PHF14: variants seen among roughly 807,000 people sequenced by gnomAD.
PHF14 encodes PHD finger protein 14.
In PHF14, 55 loss-of-function variants were observed where a neutral mutation model predicts 117.9. That is an observed-to-expected ratio of 0.47 (90% CI 0.38 to 0.58). PHF14 has a LOEUF of 0.58. PHF14 is among the 20% of genes least tolerant of loss of function. The pLI, the probability that PHF14 is intolerant of heterozygous loss-of-function variation, is 0.00. For synonymous variants in PHF14, 409 were observed against 368.6 expected (o/e 1.11, Z -1.26); for missense variants, 978 against 1,122.2 (o/e 0.87, Z 1.84).
chr7:11,104,768 C>A lies in PHF14; in HGVS notation c.2655-6582C>A, dbSNP rs918360896. On this transcript the variant is annotated intron_variant, in intron 16 of 17. Transcript: ENST00000634607. ...GCCCACTTTACTCCCTCCCCCTTCA[C>A]CCTGGAGTTTCTGATTTAGTAGAAA... 22 of 614,184 alleles carry A rather than the reference C, an allele frequency of 3.6e-5. No homozygotes were observed. In the African/African-American group the frequency reaches 4.2e-4, roughly 12 times the overall value. 38.0% of individuals were successfully genotyped at this position (614,184 alleles called of 1,614,324 possible).
intron 5 of PHF14, among the ~76,000 whole-genome samples, chr7:11,014,343 G>C (rs1025719207): frequency 1.3e-5 from 2 of 152,122 alleles, no homozygotes; most frequent in Non-Finnish European, 2.9e-5. Flanking sequence ...TTTTTAAGCT[G>C]TGATAAAAGA....
intron 6 of PHF14, among the ~76,000 whole-genome samples, 175 bp from the exon 7 acceptor site, chr7:11,028,506 T>TA (rs1226124853): frequency 2.0e-5 from 3 of 152,212 alleles, no homozygotes; most frequent in African/African-American, 7.2e-5. Context: ...TATAGGTAAT[T>TA]ACGTTTTTTC....
chr7:11,063,449 A>T, intron 16 of PHF14: 2 of 977,518 alleles, frequency 2.0e-6, no homozygotes, highest in Non-Finnish European at 2.4e-6. Flanking sequence ...TTATATAATG[A>T]ACAAAAATTT....
chr7:11,012,140 T>C (rs1783377854), intron 4 of PHF14, among the ~76,000 whole-genome samples: 1 of 152,174 alleles, frequency 6.6e-6, no homozygotes, highest in African/African-American at 2.4e-5. Context: ...ATTTTAATGA[T>C]CAAAACCTGA....
intron 17 of PHF14, among the ~76,000 whole-genome samples, chr7:11,162,201 G>T (rs1376747463): frequency 2.9e-5 from 4 of 139,014 alleles, no homozygotes; most frequent in Non-Finnish European, 4.6e-5. Context: ...CGATTCTTGT[G>T]CCTCAGCCTC....
At chr7:11,092,952 G>A (rs1185191700) in intron 16 of PHF14, among the ~76,000 whole-genome samples, 3 of 152,118 alleles carry the variant, frequency 2.0e-5, no homozygotes, top group African/African-American at 2.4e-5. Context: ...GCATGGCAAC[G>A]TTCTAGATTG....
intron 14 of PHF14, 81 bp downstream of exon 14, chr7:11,051,861 C>T (rs1562441322): frequency 8.7e-7 from 1 of 1,155,476 alleles, no homozygotes; most frequent in African/African-American, 1.5e-5. Context: ...ACAGGGCAAA[C>T]ATATACTCAG....
At chr7:11,020,865 G>A (rs955718287) in intron 5 of PHF14, among the ~76,000 whole-genome samples, 1 of 152,082 alleles carries the variant, frequency 6.6e-6, no homozygotes, top group Non-Finnish European at 1.5e-5. Flanking sequence ...TTTCTTGAGT[G>A]AAGACAGTGA....
rs113960309 is a variant in PHF14 at position 11,165,248 on chromosome 7, TTTAA to T, written c.2773-4164_2773-4161del. On this transcript the variant is annotated intron_variant, in intron 17 of 17. Coordinates refer to ENST00000634607, the MANE Select transcript of PHF14 (RefSeq NM_001007157.2). The stretch of plus-strand genomic sequence containing the variant: ...GACCTTGACATTTTGAAGACTACTG[TTTAA>T]TTATATTGTAGAGGGTTTATCTGAT... Among the ~76,000 whole-genome samples, 151 of 152,278 alleles carry T rather than the reference TTTAA, an allele frequency of 9.9e-4. 4 individuals carry two copies. The highest frequency in any genetic ancestry group is 3.4e-3 in the African/African-American group (141 of 41,550).
chr7:10,993,781 A>G (rs936732469), intron 4 of PHF14, among the ~76,000 whole-genome samples: 28 of 150,216 alleles, frequency 1.9e-4, no homozygotes, highest in African/African-American at 6.6e-4. Context: ...GGCCAAGGCA[A>G]GCGGATCACC....
chr7:11,109,960 A>G (rs1787388525), intron 16 of PHF14: 1 of 151,920 alleles, frequency 6.6e-6, no homozygotes, highest in Admixed American at 6.6e-5. Flanking sequence ...GCATAAACTT[A>G]GGACATTCAT....
chr7:10,975,699 A>G (rs1301788720), intron 2 of PHF14, among the ~76,000 whole-genome samples: 1 of 152,204 alleles, frequency 6.6e-6, no homozygotes, highest in Non-Finnish European at 1.5e-5. Context: ...AACATGAACA[A>G]TGAAAATTAT....
At chr7:11,019,645 G>A (rs569521015) in intron 5 of PHF14, among the ~76,000 whole-genome samples, 1 of 151,936 alleles carries the variant, frequency 6.6e-6, no homozygotes, top group East Asian at 1.9e-4. Context: ...TCCTCAGCCT[G>A]GCTAAAGGTT....
At position 11,013,802 on chromosome 7, in the gene PHF14, C is replaced by A; in HGVS notation, c.1101C>A (p.Asn367Lys). 1 of 1,606,304 alleles carries A rather than the reference C, an allele frequency of 6.2e-7. No homozygotes were observed. Among genetic ancestry groups the A allele is most frequent in the Non-Finnish European group, 8.5e-7 (1 of 1,174,060 alleles). ...SDSIMSSASE[N>K]STEPWFCDAC... ...CTATTATGAGTTCAGCTTCTGAAAA[C>A]TCCACTGAACCTTGGTTTTGTGATG... The change falls in exon 5 of 18, where the codon AAC becomes AAA. Residue 367 changes from asparagine to lysine, a missense_variant. Coordinates refer to ENST00000634607, the MANE Select transcript of PHF14 (RefSeq NM_001007157.2).
intron 4 of PHF14, among the ~76,000 whole-genome samples, chr7:10,992,174 C>G (rs906751747): frequency 1.3e-5 from 2 of 151,620 alleles, no homozygotes; most frequent in South Asian, 2.1e-4. Flanking sequence ...CTGCCTCAGC[C>G]TCCCGAGTAG....
intron 5 of PHF14, among the ~76,000 whole-genome samples, chr7:11,016,676 T>A (rs1162530597): frequency 1.3e-5 from 2 of 152,158 alleles, no homozygotes; most frequent in African/African-American, 4.8e-5. Flanking sequence ...GCATGCAATG[T>A]GAAATAAGCA....
chr7:11,141,393 T>C (rs1303448883), intron 17 of PHF14, among the ~76,000 whole-genome samples: 1 of 152,082 alleles, frequency 6.6e-6, no homozygotes, highest in Admixed American at 6.6e-5. Flanking sequence ...TCTAATGGTC[T>C]TTCCCCTGTA....
chr7:11,033,513 G>A (rs1784199388), intron 7 of PHF14, among the ~76,000 whole-genome samples: 1 of 152,136 alleles, frequency 6.6e-6, no homozygotes, highest in African/African-American at 2.4e-5. Flanking sequence ...TAATCACATG[G>A]CCACATCTAG....
intron 5 of PHF14, among the ~76,000 whole-genome samples, chr7:11,018,677 T>G (rs1783616069): frequency 6.6e-6 from 1 of 152,214 alleles, no homozygotes; most frequent in South Asian, 2.1e-4. Context: ...AACATTATAT[T>G]ACCTGCTAAC....
Sources: gnomAD v4.1 joint callset for allele counts (sites outside exome capture counted in the v4.1 genomes callset) on GRCh38, gnomAD v4.1.1 for gene constraint, MANE v1.5 for transcripts, NCBI Gene and HGNC (gene_info 2026-07-23, HGNC 2026-07-21) for gene names.